The following LSP1 variants were observed in gnomAD, a reference collection of about 807,000 sequenced individuals.
LSP1 encodes lymphocyte specific protein 1.
In LSP1, 32 loss-of-function variants were observed where a neutral mutation model predicts 49.3. The observed-to-expected ratio is 0.65, with a 90% CI of 0.49 to 0.87. The LOEUF is 0.87. Among genes scored for constraint, LSP1 ranks in the 40% least tolerant of loss-of-function variants. The probability of loss-of-function intolerance (pLI) is 0.00; values close to 1 mark genes in which losing one functional copy is unlikely to be tolerated. For synonymous variants in LSP1, 179 were observed against 178.8 expected, an observed-to-expected ratio of 1.00 and a Z score of -0.01; for missense variants, 428 against 442.6, an observed-to-expected ratio of 0.97 and a Z score of 0.30.
intron 1 of LSP1, among the ~76,000 whole-genome samples, chr11:1,855,851 A>G (rs774523192): frequency 2.8e-4 from 43 of 152,292 alleles, no homozygotes; most frequent in Non-Finnish European, 5.4e-4. Context: ...CCCCAAGAGC[A>G]AGGCTCTCCC....
intron 4 of LSP1, among the ~76,000 whole-genome samples, 171 bp downstream of exon 4, chr11:1,883,731 G>T (rs1419686929): frequency 5.3e-5 from 8 of 152,162 alleles, no homozygotes; most frequent in Non-Finnish European, 1.0e-4. Context: ...AGAGGGCAAG[G>T]CTCAGTGATC....
chr11:1,870,424 C>T, intron 1 of LSP1: 1 of 1,216,274 alleles, frequency 8.2e-7, no homozygotes, highest in Non-Finnish European at 1.1e-6. Context: ...CCCTGCACCC[C>T]CAGGGATGAT....
intron 1 of LSP1, among the ~76,000 whole-genome samples, chr11:1,875,996 C>A (rs1266688440): frequency 2.0e-5 from 3 of 152,346 alleles, no homozygotes; most frequent in Non-Finnish European, 4.4e-5. Flanking sequence ...AACCAAGGGG[C>A]CTGCTGATGG....
At chr11:1,887,002 C>T (rs1398837015) in intron 8 of LSP1, 136 bp downstream of exon 8, 6 of 1,183,120 alleles carry the variant, frequency 5.1e-6, no homozygotes, top group African/African-American at 4.6e-5. Flanking sequence ...TGAGGTATTG[C>T]AGTAGGGTTG....
At chr11:1,870,957 G>T (rs1009870718) in intron 1 of LSP1, 3 of 985,784 alleles carry the variant, frequency 3.0e-6, no homozygotes, top group Non-Finnish European at 3.6e-6. Context: ...AGGCGCAGCC[G>T]GGCTGTCGGT....
intron 1 of LSP1, among the ~76,000 whole-genome samples, chr11:1,872,261 G>C (rs1303037631): frequency 7.2e-6 from 1 of 138,488 alleles, no homozygotes; most frequent in African/African-American, 2.7e-5. Flanking sequence ...CACGCTGGTA[G>C]AGTTGGGGTC....
chr11:1,853,566 T>A (rs1847414236), intron 1 of LSP1, among the ~76,000 whole-genome samples: 1 of 151,584 alleles, frequency 6.6e-6, no homozygotes, highest in Non-Finnish European at 1.5e-5. Flanking sequence ...AGAGGCAAGG[T>A]GGGGGCTGGG....
At chr11:1,864,051 A>C in intron 1 of LSP1, 2 of 144,036 alleles carry the variant, frequency 1.4e-5, no homozygotes, top group African/African-American at 9.4e-5. Flanking sequence ...AGCGGGGGAG[A>C]GGGGAGGAGG....
chr11:1,883,056 C>A (rs560219324), intron 3 of LSP1, among the ~76,000 whole-genome samples: 3 of 152,158 alleles, frequency 2.0e-5, no homozygotes, highest in African/African-American at 7.2e-5. Flanking sequence ...CCCGGCCTCG[C>A]GGGGACCCCG....
At chr11:1,853,612 G>A (rs532422773) in intron 1 of LSP1, among the ~76,000 whole-genome samples, 1 of 152,314 alleles carries the variant, frequency 6.6e-6, no homozygotes, top group East Asian at 1.9e-4. Context: ...ACTGGCCCGG[G>A]CCTGGCCACC....
chr11:1,888,016 G>A (rs1269897131), intron 10 of LSP1, among the ~76,000 whole-genome samples: 2 of 152,150 alleles, frequency 1.3e-5, no homozygotes, highest in African/African-American at 4.8e-5. Flanking sequence ...TCCCAGCCGA[G>A]AGCGATTCAG....
intron 1 of LSP1, among the ~76,000 whole-genome samples, chr11:1,874,171 AGCAGTGTCGG>A (rs1848205092): frequency 3.3e-4 from 1 of 3,016 alleles, no homozygotes; most frequent in East Asian, 0.014. Flanking sequence ...GGACAGTGGG[AGCAGTGTCGG>A]GGACAGTGGG....
At chr11:1,871,326 G>A (rs1470525359) in intron 1 of LSP1, 5 of 986,084 alleles carry the variant, frequency 5.1e-6, no homozygotes, top group African/African-American at 1.7e-5. Context: ...GCTGGTCGCC[G>A]CAGATGGGGG....
intron 10 of LSP1, chr11:1,890,349 G>A (rs1192154812): frequency 2.4e-5 from 17 of 715,786 alleles, no homozygotes; most frequent in Admixed American, 1.0e-4. Context: ...GTGCGGGGCT[G>A]TGACCTCCTG....
chr11:1,883,390 A>G lies in LSP1; in HGVS notation c.357-29A>G, dbSNP rs372740472. On this transcript the variant is annotated intron_variant, in intron 3 of 10. Coordinates refer to ENST00000311604, the MANE Select transcript of LSP1 (RefSeq NM_002339.3). ...CAACCAAGCAATCCAATGGCCCTAG[A>G]ACGGCTTTGCCTCCCTTTCCACCCA... 7.9e-5 allele frequency: 127 copies of G among 1,613,126 alleles called. 2 individuals are homozygous for G. The Admixed American group carries it at 1.6e-3, about 20-fold the overall frequency.
At chr11:1,889,641 G>A in intron 10 of LSP1, 1 of 619,782 alleles carries the variant, frequency 1.6e-6, no homozygotes, top group East Asian at 2.8e-5. Context: ...AGGGGATGAG[G>A]CCCAGGCAGG....
chr11:1,859,190 A>G (rs1370947171), intron 1 of LSP1, among the ~76,000 whole-genome samples: 1 of 152,118 alleles, frequency 6.6e-6, no homozygotes, highest in Non-Finnish European at 1.5e-5. Flanking sequence ...GTATAGACGC[A>G]GGGGCCTCTA....
At chr11:1,868,442 CGCAGGGCTCTAAGGCCCCTCAG>C (rs1195420052) in intron 1 of LSP1, among the ~76,000 whole-genome samples, 1 of 152,238 alleles carries the variant, frequency 6.6e-6, no homozygotes, top group Non-Finnish European at 1.5e-5. Flanking sequence ...CTTGGCTCTC[CGCAGGGCTCTAAGGCCCCTCAG>C]GCAGGGACCC....
intron 4 of LSP1, among the ~76,000 whole-genome samples, 173 bp from the exon 5 acceptor site, chr11:1,883,759 G>C (rs3817196): frequency 0.16 from 23,621 of 152,134 alleles, 2,229 homozygotes; most frequent in Admixed American, 0.23. Flanking sequence ...AAGATCCGGA[G>C]ACATCTCTCC....
Sources: gnomAD v4.1 joint callset for allele counts (sites outside exome capture counted in the v4.1 genomes callset) on GRCh38, gnomAD v4.1.1 for gene constraint, MANE v1.5 for transcripts, NCBI Gene and HGNC (gene_info 2026-07-23, HGNC 2026-07-21) for gene names.